The following CNGA1 variants were observed in gnomAD, a reference collection of about 807,000 sequenced individuals.
CNGA1 encodes the protein cyclic nucleotide-gated channel alpha-1.
In CNGA1, 53 loss-of-function variants were observed where a neutral mutation model predicts 69.7. The ratio of observed to expected loss-of-function variants is 0.76; its 90% CI spans 0.61 to 0.96. The LOEUF (loss-of-function observed/expected upper bound fraction) is 0.96. CNGA1 is among the 40% of genes least tolerant of loss of function. The probability of loss-of-function intolerance (pLI) is 0.00; values close to 1 mark genes in which losing one functional copy is unlikely to be tolerated. For missense variants in CNGA1, 739 were observed against 811.2 expected (o/e 0.91, Z 1.08); for synonymous variants, 249 against 283.5 (o/e 0.88, Z 1.22).
At chr4:47,951,086 G>A (rs932356305) in intron 5 of CNGA1, among the ~76,000 whole-genome samples, 8 of 152,172 alleles carry the variant, frequency 5.3e-5, no homozygotes, top group South Asian at 2.1e-4. Context: ...CCCAAGAGAC[G>A]GCATGGGTAA....
At position 48,011,084 on chromosome 4, in the gene CNGA1, CT is replaced by C. The variant is rs562937673; in HGVS notation, c.-222-192del. Among the ~76,000 whole-genome samples, 78 of 152,258 alleles carry C rather than the reference CT, an allele frequency of 5.1e-4. No individual in the cohort carries two copies. In the East Asian group the frequency reaches 0.014, roughly 27 times the overall value. ...AGGCAGCAGATGGCTATTTCTTTAC[CT>C]CCTGTTTTTGCCTAATTAGCATTTT... On this transcript the variant is annotated intron_variant, in intron 1 of 10. Coordinates refer to ENST00000514170, the MANE Select transcript of CNGA1 (RefSeq NM_001379270.1).
chr4:47,984,482 G>C (rs1386567195), intron 2 of CNGA1, among the ~76,000 whole-genome samples: 2 of 151,750 alleles, frequency 1.3e-5, no homozygotes, highest in African/African-American at 2.4e-5. Flanking sequence ...GGCAGGCATG[G>C]TGGTGCACGC....
chr4:47,971,184 G>A lies in CNGA1; in HGVS notation c.-15+10209C>T, dbSNP rs534014156. ...TATCTATATTTGTGTGTGTGTGTGTGTGTGTGTGTGTGTGCTGTGCGTAAA... is the reference window on the plus strand; with the variant it reads ...TATCTATATTTGTGTGTGTGTGTGTATGTGTGTGTGTGTGCTGTGCGTAAA... On this transcript the variant is annotated intron_variant, in intron 3 of 10. Transcript: ENST00000514170. The A allele has an allele frequency of 9.2e-5, 37 of 403,896 alleles. 1 individual carries two copies. Among genetic ancestry groups the A allele is most frequent in the South Asian group, 6.8e-4 (37 of 54,462 alleles). 25.0% of individuals were successfully genotyped at this position (403,896 alleles called of 1,614,324 possible). A position where few individuals can be genotyped will look rare whatever the true frequency, so the allele number is the denominator to read the frequency against.
chr4:47,940,279 C>G (rs905511594), intron 10 of CNGA1, among the ~76,000 whole-genome samples: 1 of 152,154 alleles, frequency 6.6e-6, no homozygotes, highest in African/African-American at 2.4e-5. Context: ...TAGCTTCTAC[C>G]TACTTAACAG....
intron 3 of CNGA1, among the ~76,000 whole-genome samples, chr4:47,966,722 A>G (rs1740744316): frequency 6.6e-6 from 1 of 152,184 alleles, no homozygotes; most frequent in South Asian, 2.1e-4. Flanking sequence ...TGAAACCTTT[A>G]GGATCAGTTC....
At chr4:47,988,698 GTTCTT>G (rs1034653921) in intron 2 of CNGA1, among the ~76,000 whole-genome samples, 19 of 152,046 alleles carry the variant, frequency 1.2e-4, no homozygotes, top group African/African-American at 4.6e-4. Context: ...ATACAAGTGT[GTTCTT>G]TTCTGAGACA....
chr4:47,949,098 G>A (rs912380174), intron 6 of CNGA1, among the ~76,000 whole-genome samples: 6 of 152,226 alleles, frequency 3.9e-5, no homozygotes, highest in South Asian at 2.1e-4. Context: ...GGCAGCACAC[G>A]GTTGGGCCAT....
intron 3 of CNGA1, among the ~76,000 whole-genome samples, chr4:47,955,024 C>CA (rs78518910): frequency 0.2 from 30,523 of 151,964 alleles, 3,780 homozygotes; most frequent in African/African-American, 0.33. Context: ...GTTAAGTGCT[C>CA]ACGACTGTAA....
At position 47,936,712 on chromosome 4, in the gene CNGA1, C is replaced by G. The variant is rs761185333; in HGVS notation, c.1770G>C (p.Met590Ile). The change falls in exon 11 of 11, where the codon ATG becomes ATC. Residue 590 changes from methionine to isoleucine, a missense_variant. By Grantham distance (10) the Met-to-Ile change is conservative. Coordinates refer to ENST00000514170, the MANE Select transcript of CNGA1 (RefSeq NM_001379270.1). ...ALTEYPDAKTMLEEKGKQILM... is the reference protein window; with the variant it reads ...ALTEYPDAKTILEEKGKQILM... ...AAATCTGCTTCCCTTTCTCTTCCAG[C>G]ATAGTTTTGGCATCTGGGTACTCAG... The G allele has an allele frequency of 6.2e-7, 1 of 1,614,186 alleles. No homozygotes were observed. Among genetic ancestry groups the G allele is most frequent in the Non-Finnish European group, 8.5e-7 (1 of 1,180,038 alleles).
At chr4:47,992,643 T>G (rs939128813) in intron 2 of CNGA1, among the ~76,000 whole-genome samples, 2 of 149,174 alleles carry the variant, frequency 1.3e-5, no homozygotes, top group Non-Finnish European at 3.0e-5. Flanking sequence ...TCTTTACTGA[T>G]TTGGATGCCA....
intron 3 of CNGA1, among the ~76,000 whole-genome samples, chr4:47,980,780 T>C (rs547285124): frequency 3.0e-4 from 45 of 151,888 alleles, no homozygotes; most frequent in Non-Finnish European, 5.9e-4. Flanking sequence ...AGCCAATAAC[T>C]GTTTTTTCTG....
intron 2 of CNGA1, among the ~76,000 whole-genome samples, chr4:47,991,874 C>T (rs948088952): frequency 6.6e-6 from 1 of 152,046 alleles, no homozygotes; most frequent in African/African-American, 2.4e-5. Flanking sequence ...AACTTTTATT[C>T]TCCTACATGT....
chr4:47,949,657 A>T (rs1326373028), intron 6 of CNGA1, among the ~76,000 whole-genome samples, 176 bp downstream of exon 6: 1 of 152,240 alleles, frequency 6.6e-6, no homozygotes, highest in Non-Finnish European at 1.5e-5. Flanking sequence ...TTCTACATGT[A>T]TTCAAATAAA....
intron 10 of CNGA1, 82 bp from the exon 11 acceptor site, chr4:47,937,911 T>C: frequency 9.6e-7 from 1 of 1,041,288 alleles, no homozygotes; most frequent in Non-Finnish European, 1.5e-6. Flanking sequence ...CAATTAACTT[T>C]GTTGAGGTCA....
intron 1 of CNGA1, among the ~76,000 whole-genome samples, chr4:48,014,474 C>T (rs1715293982): frequency 6.6e-6 from 1 of 152,114 alleles, no homozygotes; most frequent in Admixed American, 6.5e-5. Context: ...CCTTAATATG[C>T]AACTGAAATT....
intron 2 of CNGA1, among the ~76,000 whole-genome samples, chr4:48,003,425 C>A (rs192244407): frequency 3.9e-4 from 60 of 152,134 alleles, no homozygotes; most frequent in African/African-American, 1.3e-3. Context: ...ACTTAGGAGC[C>A]CCAAGATATA....
chr4:47,943,238 T>G lies in CNGA1; in HGVS notation c.380A>C (p.Lys127Thr), dbSNP rs773862362. The change falls in exon 8 of 11, where the codon AAG becomes ACG. Residue 127 changes from lysine (K) to threonine (T), a missense_variant. Transcript: ENST00000514170. The stretch of plus-strand genomic sequence containing the variant: ...CTTTTTCTTCTCTTTGTCCTTTTTC[T>G]TCTTTTTCTTCTCTGGGTCGTTTTT... ...ENKNDPEKKK[K>T]KKDKEKKKKE... 1 of 1,592,398 alleles carries G rather than the reference T, an allele frequency of 6.3e-7. No homozygotes were observed.
chr4:47,952,482 G>A, intron 4 of CNGA1, 101 bp downstream of exon 4: 1 of 1,286,764 alleles, frequency 7.8e-7, no homozygotes, highest in Non-Finnish European at 1.1e-6. Flanking sequence ...ACATTACAAA[G>A]TTCAAGGTTA....
chr4:48,006,613 G>T lies in CNGA1; in HGVS notation c.-123+4181C>A, dbSNP rs188661230. On this transcript the variant is annotated intron_variant, in intron 2 of 10. Transcript: ENST00000514170. ...TAATAATATCTTAAAGGATTAATTA[G>T]TTCAAAAAAAGACATAATTTTTTTT... 7.3e-5 allele frequency among the ~76,000 whole-genome samples: 11 copies of T among 150,834 alleles called. No individual in the cohort carries two copies. In the East Asian group the frequency reaches 2.1e-3, roughly 29 times the overall value.
Sources: gnomAD v4.1 joint callset for allele counts (sites outside exome capture counted in the v4.1 genomes callset) on GRCh38, gnomAD v4.1.1 for gene constraint, MANE v1.5 for transcripts, NCBI Gene and HGNC (gene_info 2026-07-23, HGNC 2026-07-21) for gene names.